The following ATOSA variants were observed in gnomAD, a reference collection of about 807,000 sequenced individuals.
ATOSA encodes the protein atos homolog protein A.
the ATOSA span, among the ~76,000 whole-genome samples, chr15:52,691,543 G>C: frequency 6.6e-6 from 1 of 152,288 alleles, no homozygotes; most frequent in South Asian, 2.1e-4. Context: ...ACCAAGAATA[G>C]GTAGAGAACC....
the ATOSA span, among the ~76,000 whole-genome samples, chr15:52,587,853 C>T: frequency 8.1e-4 from 124 of 152,288 alleles, no homozygotes; most frequent in African/African-American, 2.9e-3. Context: ...TCTCACTTTC[C>T]TAAAATTAAA....
the ATOSA span, among the ~76,000 whole-genome samples, chr15:52,617,968 G>T: frequency 6.6e-6 from 1 of 151,888 alleles, no homozygotes; most frequent in Non-Finnish European, 1.5e-5. Flanking sequence ...TCTAACCAGA[G>T]CATTAATGTA....
chr15:52,600,598 T>C, the ATOSA span, among the ~76,000 whole-genome samples: 9 of 152,164 alleles, frequency 5.9e-5, no homozygotes, highest in Non-Finnish European at 1.3e-4. Flanking sequence ...TAAACACACA[T>C]ACACACATCC....
the ATOSA span, among the ~76,000 whole-genome samples, chr15:52,624,230 T>C: frequency 6.6e-6 from 1 of 152,110 alleles, no homozygotes; most frequent in African/African-American, 2.4e-5. Context: ...CTTAAACGTT[T>C]TTGTTTTTGT....
chr15:52,593,435 T>C, the ATOSA span: 1 of 714,140 alleles, frequency 1.4e-6, no homozygotes, highest in African/African-American at 1.8e-5. Context: ...TAGAAAGAAG[T>C]TGTGAGGTAA....
chr15:52,622,933 G>A, the ATOSA span, among the ~76,000 whole-genome samples: 3 of 150,810 alleles, frequency 2.0e-5, no homozygotes, highest in Non-Finnish European at 4.4e-5. Context: ...GACCAGCCTG[G>A]GCAACACAGT....
At chr15:52,634,858 TC>T in the ATOSA span, among the ~76,000 whole-genome samples, 18 of 152,152 alleles carry the variant, frequency 1.2e-4, no homozygotes, top group African/African-American at 4.1e-4. Context: ...CATCTTGGCC[TC>T]CCAAAGTGCT....
At chr15:52,625,538 C>T in the ATOSA span, among the ~76,000 whole-genome samples, 1 of 152,080 alleles carries the variant, frequency 6.6e-6, no homozygotes, top group African/African-American at 2.4e-5. Context: ...AACTTATCAA[C>T]TATAAGTAAA....
the ATOSA span, among the ~76,000 whole-genome samples, chr15:52,596,966 AAT>A: frequency 6.6e-6 from 1 of 152,262 alleles, no homozygotes; most frequent in Admixed American, 6.5e-5. Context: ...GATCAACATC[AAT>A]AGTCATCAGG....
At chr15:52,587,353 T>C in the ATOSA span, 1 of 705,928 alleles carries the variant, frequency 1.4e-6, no homozygotes, top group Non-Finnish European at 2.3e-6. Flanking sequence ...ATTGAATTAA[T>C]AGAGATACAT....
the ATOSA span, among the ~76,000 whole-genome samples, chr15:52,685,416 GT>G: frequency 0.9 from 133,174 of 147,912 alleles, 59,547 homozygotes; most frequent in East Asian, 1. Flanking sequence ...ATTCAGTAGA[GT>G]TTTTTTTTTT....
chr15:52,671,998 G>A, the ATOSA span, among the ~76,000 whole-genome samples: 1 of 151,420 alleles, frequency 6.6e-6, no homozygotes, highest in Non-Finnish European at 1.5e-5. Flanking sequence ...CTAATATTTT[G>A]ATTATCTGCT....
At chr15:52,593,446 T>C in the ATOSA span, 4 of 798,882 alleles carry the variant, frequency 5.0e-6, no homozygotes, top group Middle Eastern at 3.3e-4. Context: ...TGTGAGGTAA[T>C]ATTTTGGCAT....
chr15:52,667,985 C>G, the ATOSA span, among the ~76,000 whole-genome samples: 1 of 152,166 alleles, frequency 6.6e-6, no homozygotes. Context: ...ACAGCCATTA[C>G]GGAAAACAGT....
At chr15:52,630,820 A>G in the ATOSA span, among the ~76,000 whole-genome samples, 1 of 152,272 alleles carries the variant, frequency 6.6e-6, no homozygotes, top group Non-Finnish European at 1.5e-5. Flanking sequence ...ATACACTCAT[A>G]TAATGGGATA....
chr15:52,663,147 C>CCTTA, the ATOSA span, among the ~76,000 whole-genome samples: 6 of 152,294 alleles, frequency 3.9e-5, no homozygotes, highest in East Asian at 1.2e-3. Context: ...TATCTTCACA[C>CCTTA]CTTAACTCAT....
At chr15:52,693,094 G>A in the ATOSA span, among the ~76,000 whole-genome samples, 1 of 152,102 alleles carries the variant, frequency 6.6e-6, no homozygotes, top group Non-Finnish European at 1.5e-5. Context: ...GCTAAAACAG[G>A]AAAAGAGACA....
chr15:52,612,452 C>T, the ATOSA span, among the ~76,000 whole-genome samples: 3 of 151,580 alleles, frequency 2.0e-5, no homozygotes, highest in East Asian at 5.8e-4. Context: ...TAAATCCGAA[C>T]ACCAAAATAT....
the ATOSA span, among the ~76,000 whole-genome samples, chr15:52,645,869 C>T: frequency 2.6e-3 from 389 of 152,332 alleles, 3 homozygotes; most frequent in African/African-American, 8.9e-3. Flanking sequence ...AGGAAACAAA[C>T]TCCTGCCTCT....
Sources: gnomAD v4.1 joint callset for allele counts (sites outside exome capture counted in the v4.1 genomes callset) on GRCh38, gnomAD v4.1.1 for gene constraint, MANE v1.5 for transcripts, NCBI Gene and HGNC (gene_info 2026-07-23, HGNC 2026-07-21) for gene names.